Variants in PPFIA2 observed in about 807,000 individuals in gnomAD.
PPFIA2 encodes liprin-alpha-2.
In PPFIA2, 46 loss-of-function variants were observed where a neutral mutation model predicts 175.5. That is an observed-to-expected ratio of 0.26 (90% confidence interval 0.21 to 0.34). The LOEUF is 0.34. Among genes scored for constraint, PPFIA2 ranks in the 10% least tolerant of loss-of-function variants. The pLI, the probability that PPFIA2 is intolerant of heterozygous loss-of-function variation, is 1.00. For missense variants in PPFIA2, 1,179 were observed against 1,506.1 expected, an observed-to-expected ratio of 0.78 and a Z score of 3.60; for synonymous variants, 568 against 511.4, an observed-to-expected ratio of 1.11 and a Z score of -1.49.
At chr12:81,710,412 T>C (rs2077739583) in intron 3 of PPFIA2, among the ~76,000 whole-genome samples, 1 of 152,170 alleles carries the variant, frequency 6.6e-6, no homozygotes, top group South Asian at 2.1e-4. Context: ...AAAACTGTTG[T>C]AATGTTTTAG....
intron 3 of PPFIA2, among the ~76,000 whole-genome samples, chr12:81,706,527 C>T (rs11114985): frequency 0.35 from 52,451 of 151,988 alleles, 9,789 homozygotes; most frequent in Middle Eastern, 0.5. Context: ...CATTTGAATT[C>T]ATTGATTTCT....
intron 4 of PPFIA2, among the ~76,000 whole-genome samples, chr12:81,621,862 A>G (rs979570302): frequency 6.6e-6 from 1 of 152,172 alleles, no homozygotes; most frequent in Non-Finnish European, 1.5e-5. Context: ...GTAGCTGTAC[A>G]TATTACCTAG....
intron 22 of PPFIA2, among the ~76,000 whole-genome samples, chr12:81,317,371 C>A (rs2052626770): frequency 6.6e-6 from 1 of 151,360 alleles, no homozygotes; most frequent in Non-Finnish European, 1.5e-5. Context: ...GGGTTTTAGG[C>A]AGCTAAAAAA....
chr12:81,303,446 A>C (rs2048365366), intron 22 of PPFIA2, among the ~76,000 whole-genome samples: 1 of 152,190 alleles, frequency 6.6e-6, no homozygotes, highest in Admixed American at 6.6e-5. Flanking sequence ...AGGTGTTATC[A>C]CTTGGGTCAA....
intron 4 of PPFIA2, 115 bp downstream of exon 4, chr12:81,676,676 G>C: frequency 1.6e-6 from 1 of 612,520 alleles, no homozygotes; most frequent in Admixed American, 4.2e-5. Flanking sequence ...TATAATAGCT[G>C]TATTTATAAA....
At chr12:81,732,587 A>C (rs2081063879) in intron 3 of PPFIA2, among the ~76,000 whole-genome samples, 1 of 151,280 alleles carries the variant, frequency 6.6e-6, no homozygotes, top group Non-Finnish European at 1.5e-5. Flanking sequence ...TATTTCTTAC[A>C]TATACTGCAG....
At chr12:81,552,152 C>T (rs773415264) in intron 4 of PPFIA2, among the ~76,000 whole-genome samples, 1 of 151,078 alleles carries the variant, frequency 6.6e-6, no homozygotes, top group Non-Finnish European at 1.5e-5. Flanking sequence ...ATATAATAAC[C>T]AAAATTATTG....
intron 4 of PPFIA2, among the ~76,000 whole-genome samples, chr12:81,476,441 A>C (rs2057484562): frequency 6.6e-6 from 1 of 152,198 alleles, no homozygotes; most frequent in African/African-American, 2.4e-5. Context: ...ATTTGTATTT[A>C]TTTTCTCTCT....
At chr12:81,537,592 C>T (rs1215840015) in intron 4 of PPFIA2, among the ~76,000 whole-genome samples, 1 of 151,820 alleles carries the variant, frequency 6.6e-6, no homozygotes, top group Non-Finnish European at 1.5e-5. Flanking sequence ...CCTGAGATGC[C>T]TCCCTTATAA....
At chr12:81,455,967 G>T (rs1009089534) in intron 5 of PPFIA2, among the ~76,000 whole-genome samples, 3 of 152,042 alleles carry the variant, frequency 2.0e-5, no homozygotes, top group African/African-American at 7.2e-5. Context: ...GAAGAAAAAA[G>T]GCTAGATGAA....
chr12:81,471,801 A>C (rs1380277272), intron 4 of PPFIA2, among the ~76,000 whole-genome samples: 1 of 152,132 alleles, frequency 6.6e-6, no homozygotes, highest in Non-Finnish European at 1.5e-5. Context: ...CAACCTTGCC[A>C]GCATTTGTTT....
At chr12:81,449,851 C>A (rs1053121600) in intron 5 of PPFIA2, among the ~76,000 whole-genome samples, 4 of 146,794 alleles carry the variant, frequency 2.7e-5, no homozygotes, top group Non-Finnish European at 6.0e-5. Context: ...CAAATGTTCT[C>A]ATTGTTCAAT....
intron 15 of PPFIA2, 93 bp downstream of exon 15, chr12:81,362,600 T>C: frequency 1.3e-6 from 1 of 763,898 alleles, no homozygotes; most frequent in South Asian, 2.0e-5. Flanking sequence ...CAATAGGAAG[T>C]ACTGATTTAT....
intron 20 of PPFIA2, among the ~76,000 whole-genome samples, chr12:81,339,734 A>G (rs2057744552): frequency 6.6e-6 from 1 of 152,082 alleles, no homozygotes; most frequent in Non-Finnish European, 1.5e-5. Context: ...GAACTGAAAT[A>G]TAACTATTGT....
intron 7 of PPFIA2, among the ~76,000 whole-genome samples, chr12:81,416,160 G>A (rs1010921953): frequency 6.6e-6 from 1 of 151,484 alleles, no homozygotes; most frequent in Admixed American, 6.6e-5. Context: ...AAGAAAAATA[G>A]CCAAGGAAGC....
intron 22 of PPFIA2, among the ~76,000 whole-genome samples, chr12:81,318,108 G>A (rs916007140): frequency 2.0e-5 from 3 of 151,604 alleles, no homozygotes; most frequent in East Asian, 3.9e-4. Flanking sequence ...AACACGTTTG[G>A]TTGTTCATTC....
intron 5 of PPFIA2, among the ~76,000 whole-genome samples, chr12:81,450,795 A>G (rs2052418701): frequency 2.0e-5 from 3 of 152,136 alleles, no homozygotes; most frequent in Non-Finnish European, 4.4e-5. Flanking sequence ...TCTTTAATCC[A>G]TCTTGAATTA....
At chr12:81,313,980 C>T (rs921665296) in intron 22 of PPFIA2, among the ~76,000 whole-genome samples, 8 of 151,902 alleles carry the variant, frequency 5.3e-5, no homozygotes, top group Non-Finnish European at 1.0e-4. Flanking sequence ...AGATACTGCT[C>T]AAAAAGCATT....
rs527246594 is a variant in PPFIA2 at position 81,476,889 on chromosome 12, C to T, written c.304-19023G>A. Among the ~76,000 whole-genome samples, 40 of 152,150 alleles carry T rather than the reference C, an allele frequency of 2.6e-4. 1 individual carries two copies. The South Asian group carries it at 7.1e-3, about 27-fold the overall frequency. ...AATAGTATGCATCCATAAAAAGGAA[C>T]GAGATCATGTCCTTTGCAGGGACAT... On this transcript the variant is annotated intron_variant, in intron 4 of 32. Transcript: ENST00000549396.
Sources: gnomAD v4.1 joint callset for allele counts (sites outside exome capture counted in the v4.1 genomes callset) on GRCh38, gnomAD v4.1.1 for gene constraint, MANE v1.5 for transcripts, NCBI Gene and HGNC (gene_info 2026-07-23, HGNC 2026-07-21) for gene names.